Variants in GRIA1 observed in about 807,000 individuals in gnomAD.
The protein encoded by GRIA1 is glutamate ionotropic receptor AMPA type subunit 1, also known as glutamate receptor 1.
In GRIA1, 31 loss-of-function variants were observed where a neutral mutation model predicts 99.2. That is an observed-to-expected ratio of 0.31 (90% CI 0.23 to 0.42). The LOEUF (loss-of-function observed/expected upper bound fraction) is 0.42, where lower values mean the gene tolerates loss of function less well. Among genes scored for constraint, GRIA1 ranks in the 10% least tolerant of loss-of-function variants. The pLI is 1.00. For synonymous variants in GRIA1, 438 were observed against 432.4 expected, an observed-to-expected ratio of 1.01 and a Z score of -0.16; for missense variants, 782 against 1,157.5, an observed-to-expected ratio of 0.68 and a Z score of 4.71.
intron 11 of GRIA1, among the ~76,000 whole-genome samples, chr5:153,740,274 A>C (rs1761685685): frequency 6.6e-6 from 1 of 152,242 alleles, no homozygotes; most frequent in Non-Finnish European, 1.5e-5. Flanking sequence ...GAACAGCTTC[A>C]ACAACAGGTA....
At chr5:153,747,317 C>CTGA (rs1184068724) in intron 11 of GRIA1, among the ~76,000 whole-genome samples, 2 of 152,142 alleles carry the variant, frequency 1.3e-5, no homozygotes, top group East Asian at 1.9e-4. Context: ...GTTGCATGAA[C>CTGA]TGATGGAGCA....
chr5:153,806,069 T>G lies in GRIA1; in HGVS notation c.2520+3579T>G, dbSNP rs151178464. Among the ~76,000 whole-genome samples, 513 of 152,302 alleles carry G rather than the reference T, an allele frequency of 3.4e-3. 7 individuals carry two copies. Among genetic ancestry groups the G allele is most frequent in the African/African-American group, 0.012 (482 of 41,562 alleles). On this transcript the variant is annotated intron_variant, in intron 15 of 15. Coordinates refer to ENST00000285900, the MANE Select transcript of GRIA1 (RefSeq NM_000827.4). ...AATGCATTCAACTTGCCTCTCAGAC[T>G]TTTCAGCTTTGCAGCTCTCTTTATT...
At chr5:153,684,457 C>T (rs780127132) in intron 7 of GRIA1, among the ~76,000 whole-genome samples, 10 of 152,256 alleles carry the variant, frequency 6.6e-5, no homozygotes, top group Admixed American at 1.3e-4. Context: ...ATGTACTCTG[C>T]CATACTAATA....
intron 2 of GRIA1, among the ~76,000 whole-genome samples, chr5:153,569,996 C>A (rs2149361681): frequency 6.6e-6 from 1 of 152,220 alleles, no homozygotes; most frequent in Middle Eastern, 3.4e-3. Flanking sequence ...CTCAGTGCAG[C>A]CTTACCTTAC....
intron 2 of GRIA1, among the ~76,000 whole-genome samples, chr5:153,541,104 G>A (rs1026113372): frequency 6.6e-6 from 1 of 152,098 alleles, no homozygotes; most frequent in Non-Finnish European, 1.5e-5. Context: ...CATTTTGCAT[G>A]TGCCTAATGC....
At chr5:153,518,806 G>T (rs980150839) in intron 2 of GRIA1, among the ~76,000 whole-genome samples, 4 of 152,134 alleles carry the variant, frequency 2.6e-5, no homozygotes, top group Non-Finnish European at 5.9e-5. Context: ...ATACTGCGAG[G>T]TTCAAATAAC....
chr5:153,711,950 T>A (rs976711271), intron 11 of GRIA1, among the ~76,000 whole-genome samples: 1 of 152,226 alleles, frequency 6.6e-6, no homozygotes, highest in African/African-American at 2.4e-5. Context: ...CTAGTGGAGA[T>A]AATTACTCTC....
At chr5:153,583,490 C>T (rs1763220547) in intron 2 of GRIA1, among the ~76,000 whole-genome samples, 1 of 152,132 alleles carries the variant, frequency 6.6e-6, no homozygotes, top group Non-Finnish European at 1.5e-5. Context: ...AACTCCTGCA[C>T]TTTAATTTCC....
intron 2 of GRIA1, among the ~76,000 whole-genome samples, chr5:153,626,207 T>C (rs933109661): frequency 6.6e-6 from 1 of 152,220 alleles, no homozygotes; most frequent in African/African-American, 2.4e-5. Context: ...TTAAAAGTTC[T>C]AGATGATTTT....
intron 2 of GRIA1, among the ~76,000 whole-genome samples, chr5:153,585,299 C>CTTTTTTTTTT (rs10586598): frequency 1.4e-5 from 1 of 70,100 alleles, no homozygotes; most frequent in Non-Finnish European, 2.4e-5. Flanking sequence ...TTCTCTCTCT[C>CTTTTTTTTTT]TTTTTTTTTT....
At position 153,607,606 on chromosome 5, in the gene GRIA1, CT is replaced by C. The variant is rs34162143; in HGVS notation, c.221-39320del. 9.8e-3 allele frequency among the ~76,000 whole-genome samples: 1,489 copies of C among 152,020 alleles called. 22 individuals are homozygous for C. Among genetic ancestry groups the C allele is most frequent in the African/African-American group, 0.034 (1,407 of 41,508 alleles). Reference sequence around the variant, plus strand: ...GAATATTAGGCACCCCTTAACTGTTCTTCTAGTGCTTACACTGATGATTGCA... The same window carrying C: ...GAATATTAGGCACCCCTTAACTGTTCTCTAGTGCTTACACTGATGATTGCA... On this transcript the variant is annotated intron_variant, in intron 2 of 15. Transcript: ENST00000285900.
intron 4 of GRIA1, among the ~76,000 whole-genome samples, chr5:153,653,460 C>T (rs1444364708): frequency 6.6e-6 from 1 of 152,118 alleles, no homozygotes; most frequent in Admixed American, 6.5e-5. Context: ...ATTCTGTAAA[C>T]AATGGGGAGT....
intron 8 of GRIA1, among the ~76,000 whole-genome samples, chr5:153,689,063 C>G (rs1757552998): frequency 6.6e-6 from 1 of 151,660 alleles, no homozygotes; most frequent in Admixed American, 6.6e-5. Flanking sequence ...GGGTCTCGCT[C>G]TCTTGCCCAG....
chr5:153,692,870 A>C (rs768794073), intron 8 of GRIA1, among the ~76,000 whole-genome samples: 1 of 152,176 alleles, frequency 6.6e-6, no homozygotes, highest in Non-Finnish European at 1.5e-5. Flanking sequence ...ATGCTAGCCC[A>C]TATTTCAAAA....
At chr5:153,611,154 C>T (rs937201038) in intron 2 of GRIA1, among the ~76,000 whole-genome samples, 8 of 152,154 alleles carry the variant, frequency 5.3e-5, no homozygotes, top group South Asian at 2.1e-4. Context: ...CTTGCCACTA[C>T]GTATAATATG....
chr5:153,531,486 C>T (rs1022553122), intron 2 of GRIA1, among the ~76,000 whole-genome samples: 1 of 152,194 alleles, frequency 6.6e-6, no homozygotes. Flanking sequence ...TTACACAGTT[C>T]TTGACACATA....
chr5:153,690,432 A>T (rs1757661148), intron 8 of GRIA1, among the ~76,000 whole-genome samples: 1 of 152,142 alleles, frequency 6.6e-6, no homozygotes. Context: ...AAGTCATTAC[A>T]TCATCTCTAA....
intron 11 of GRIA1, among the ~76,000 whole-genome samples, chr5:153,723,269 T>C (rs912439172): frequency 2.0e-5 from 3 of 152,202 alleles, no homozygotes; most frequent in African/African-American, 7.2e-5. Flanking sequence ...ACAGCCAAGA[T>C]GGCTGAATAG....
intron 5 of GRIA1, among the ~76,000 whole-genome samples, chr5:153,662,381 A>G (rs1375098043): frequency 1.3e-5 from 2 of 152,218 alleles, no homozygotes; most frequent in East Asian, 3.9e-4. Context: ...CATGTAAAAT[A>G]ACATTCTCAA....
Sources: gnomAD v4.1 joint callset for allele counts (sites outside exome capture counted in the v4.1 genomes callset) on GRCh38, gnomAD v4.1.1 for gene constraint, MANE v1.5 for transcripts, NCBI Gene and HGNC (gene_info 2026-07-23, HGNC 2026-07-21) for gene names.